CSMD2: variants seen among roughly 807,000 people sequenced by gnomAD.
CSMD2 encodes the protein CUB and Sushi multiple domains 2, also known as CUB and sushi domain-containing protein 2.
Under a neutral mutation model 398.5 loss-of-function variants are expected in CSMD2, and 130 were observed. That is an observed-to-expected ratio of 0.33 (90% confidence interval 0.28 to 0.38). The LOEUF (loss-of-function observed/expected upper bound fraction) is 0.38. Among genes scored for constraint, CSMD2 ranks in the 10% least tolerant of loss-of-function variants. The pLI is 1.00. For missense variants in CSMD2, 3,829 were observed against 4,764.9 expected (o/e 0.80, Z 5.78); for synonymous variants, 1,828 against 1,908.5 (o/e 0.96, Z 1.10).
intron 2 of CSMD2, among the ~76,000 whole-genome samples, chr1:34,051,273 C>G (rs551183364): frequency 6.6e-6 from 1 of 152,272 alleles, no homozygotes; most frequent in African/African-American, 2.4e-5. Context: ...GGTAAAGAAC[C>G]ATGATCAGCT....
At chr1:33,639,062 T>C (rs912610875) in intron 29 of CSMD2, among the ~76,000 whole-genome samples, 3 of 152,244 alleles carry the variant, frequency 2.0e-5, no homozygotes, top group Non-Finnish European at 2.9e-5. Context: ...TTGACTCAGC[T>C]GAGGGAAATG....
intron 40 of CSMD2, among the ~76,000 whole-genome samples, chr1:33,614,084 C>T (rs1641224674): frequency 6.6e-6 from 1 of 152,168 alleles, no homozygotes; most frequent in Non-Finnish European, 1.5e-5. Context: ...AAATTAGACA[C>T]TGGGGTTAAA....
At chr1:33,607,178 G>T (rs1406877927) in intron 41 of CSMD2, among the ~76,000 whole-genome samples, 6 of 152,198 alleles carry the variant, frequency 3.9e-5, no homozygotes, top group Non-Finnish European at 8.8e-5. Context: ...ACCCTCCTGA[G>T]AAATTGTCAT....
chr1:33,756,204 C>T (rs1040369689), intron 13 of CSMD2, among the ~76,000 whole-genome samples: 1 of 152,308 alleles, frequency 6.6e-6, no homozygotes, highest in African/African-American at 2.4e-5. Context: ...GCACCTCATC[C>T]TCACGTAACT....
chr1:33,682,296 A>G (rs1644933147), intron 25 of CSMD2, among the ~76,000 whole-genome samples: 1 of 152,170 alleles, frequency 6.6e-6, no homozygotes, highest in South Asian at 2.1e-4. Flanking sequence ...TAACCCCTTC[A>G]TTTCAAAATC....
At chr1:33,802,596 C>T (rs529049160) in intron 10 of CSMD2, among the ~76,000 whole-genome samples, 38 of 152,284 alleles carry the variant, frequency 2.5e-4, no homozygotes, top group African/African-American at 7.7e-4. Flanking sequence ...CAGGAAGGAT[C>T]CTCCTGCGTA....
intron 9 of CSMD2, among the ~76,000 whole-genome samples, chr1:33,817,083 G>T (rs960792631): frequency 6.6e-6 from 1 of 152,222 alleles, no homozygotes. Flanking sequence ...AAAAATCACA[G>T]AATAGTGATT....
At chr1:34,103,459 C>A (rs1660208533) in intron 1 of CSMD2, among the ~76,000 whole-genome samples, 1 of 151,924 alleles carries the variant, frequency 6.6e-6, no homozygotes, top group Admixed American at 6.6e-5. Context: ...CCACCACGCC[C>A]AGCTAATTTT....
At chr1:33,826,959 T>C (rs977155988) in intron 6 of CSMD2, among the ~76,000 whole-genome samples, 1 of 152,216 alleles carries the variant, frequency 6.6e-6, no homozygotes. Flanking sequence ...TCCAGGGTGC[T>C]TTACAAGTTC....
intron 10 of CSMD2, among the ~76,000 whole-genome samples, chr1:33,796,558 C>G (rs1053636663): frequency 6.6e-6 from 1 of 152,158 alleles, no homozygotes; most frequent in African/African-American, 2.4e-5. Context: ...ATCCTGTTAT[C>G]TTTGTAAGCT....
intron 1 of CSMD2, among the ~76,000 whole-genome samples, chr1:34,128,127 G>A (rs1015900432): frequency 8.0e-6 from 1 of 125,520 alleles, no homozygotes; most frequent in African/African-American, 2.7e-5. Flanking sequence ...AAGACCAGGG[G>A]TGTCCTTCCT....
chr1:34,027,918 G>C (rs1649878500), intron 3 of CSMD2, among the ~76,000 whole-genome samples: 1 of 148,516 alleles, frequency 6.7e-6, no homozygotes, highest in East Asian at 2.3e-4. Flanking sequence ...GTCAGGAGGA[G>C]GAGGAGGAGG....
At chr1:34,159,556 G>T (rs1053302168) in intron 1 of CSMD2, among the ~76,000 whole-genome samples, 2 of 152,194 alleles carry the variant, frequency 1.3e-5, no homozygotes, top group Non-Finnish European at 2.9e-5. Context: ...AAAAGATATG[G>T]CGTCAGCCAG....
chr1:34,093,349 G>A (rs1413793498), intron 1 of CSMD2, among the ~76,000 whole-genome samples: 5 of 152,286 alleles, frequency 3.3e-5, no homozygotes, highest in Non-Finnish European at 5.9e-5. Flanking sequence ...AAAGCAGAGC[G>A]CCTCTCCTCC....
intron 49 of CSMD2, among the ~76,000 whole-genome samples, chr1:33,574,578 G>C (rs1376444439): frequency 6.6e-6 from 1 of 152,180 alleles, no homozygotes; most frequent in Non-Finnish European, 1.5e-5. Flanking sequence ...CATTGAGATT[G>C]CCTAACAAGA....
At position 33,626,589 on chromosome 1, in the gene CSMD2, G is replaced by C; in HGVS notation, c.5201-8C>G. ...CCAAGGGCAGTGATTCTCCTGCCGA[G>C]ATAAGGGGCAAGGAGGAGAGAACAG... On this transcript the variant is annotated splice_polypyrimidine_tract_variant and splice_region_variant and intron_variant, in intron 32 of 70. Transcript: ENST00000373381. 1 of 1,587,824 alleles carries C rather than the reference G, an allele frequency of 6.3e-7. No homozygotes were observed. The highest frequency in any genetic ancestry group is 8.6e-7 in the Non-Finnish European group (1 of 1,166,532).
chr1:34,145,964 A>C (rs1639729544), intron 1 of CSMD2, among the ~76,000 whole-genome samples: 1 of 152,192 alleles, frequency 6.6e-6, no homozygotes, highest in Non-Finnish European at 1.5e-5. Context: ...TCCATTCTCA[A>C]GATTTAGATT....
Position 33,533,724 on chromosome 1 carries a change from T to C in CSMD2, c.9991+72A>G. 1.0e-6 allele frequency: 1 copy of C among 974,142 alleles called. No homozygotes were observed. Among genetic ancestry groups the C allele is most frequent in the Non-Finnish European group, 1.6e-6 (1 of 607,608 alleles). The allele number at this position is 974,142 out of a possible 1,614,324, so 60.3% of individuals were successfully genotyped here. A position where few individuals can be genotyped will look rare whatever the true frequency, so the allele number is the denominator to read the frequency against. On this transcript the variant is annotated intron_variant, in intron 63 of 70. Transcript: ENST00000373381. The surrounding 1 kb of genome is among the most constrained non-coding windows in gnomAD (Gnocchi z 4.2). ...TGTGAACTCCCTGTCATTCAGAGCA[T>C]TCAAACATGACCCAGATGCCCAGCT...
intron 12 of CSMD2, among the ~76,000 whole-genome samples, chr1:33,775,254 T>A (rs530088755): frequency 2.6e-5 from 4 of 152,214 alleles, no homozygotes; most frequent in Non-Finnish European, 4.4e-5. Context: ...TCCAACCCTA[T>A]GCTCAGATCA....
Sources: allele counts gnomAD v4.1 joint callset (sites outside exome capture counted in the v4.1 genomes callset), GRCh38; gene constraint gnomAD v4.1.1; non-coding constraint Gnocchi (gnomAD v3.1); transcripts MANE v1.5; gene names NCBI Gene and HGNC (gene_info 2026-07-23, HGNC 2026-07-21).